The following TBCD variants were observed in gnomAD, a reference collection of about 807,000 sequenced individuals.
TBCD encodes the protein tubulin-specific chaperone D.
In TBCD, 105 loss-of-function variants were observed where a neutral mutation model predicts 169.3. The ratio of observed to expected loss-of-function variants is 0.62; its 90% CI spans 0.53 to 0.73. The LOEUF (loss-of-function observed/expected upper bound fraction) is 0.73, where lower values mean the gene tolerates loss of function less well. Ranked by LOEUF, TBCD falls within the 30% of genes least tolerant of loss-of-function variation. The pLI, the probability that TBCD is intolerant of heterozygous loss-of-function variation, is 0.00. For synonymous variants in TBCD, 700 were observed against 643.9 expected (o/e 1.09, Z -1.32); for missense variants, 1,444 against 1,600.1 (o/e 0.90, Z 1.66).
intron 23 of TBCD, among the ~76,000 whole-genome samples, chr17:82,919,791 T>G (rs2061304426): frequency 6.6e-6 from 1 of 151,798 alleles, no homozygotes; most frequent in Non-Finnish European, 1.5e-5. Flanking sequence ...CGATGGGAAG[T>G]GTGTGTGTGG....
rs2062657245 is a variant in TBCD at position 82,936,630 on chromosome 17, C to CT, written c.3192-640dup. 3.3e-5 allele frequency among the ~76,000 whole-genome samples: 5 copies of CT among 152,322 alleles called. No homozygotes were observed. The South Asian group carries it at 1.0e-3, about 32-fold the overall frequency. The stretch of plus-strand genomic sequence containing the variant: ...CACCTGAGGAGAGGGTAGCAGCAGC[C>CT]TGGGGTCTCCTTGACTCACGGTCAG... On this transcript the variant is annotated intron_variant, in intron 34 of 38. Coordinates refer to ENST00000355528, the MANE Select transcript of TBCD (RefSeq NM_005993.5).
At chr17:82,877,268 T>C (rs997420082) in intron 14 of TBCD, among the ~76,000 whole-genome samples, 1 of 152,260 alleles carries the variant, frequency 6.6e-6, no homozygotes. Context: ...GTTCATATGG[T>C]AAATATGACA....
rs369421772 is a variant in TBCD, at chr17:82,757,361, CT to C, written c.235+1147del. On this transcript the variant is annotated intron_variant, in intron 2 of 38. Transcript: ENST00000355528. ...TTTGGCTGGGGGTGGTGGCTCATGC[CT>C]GTAATCCCAGCACTTTGGGAGGTGG... Among the ~76,000 whole-genome samples, 505 of 152,256 alleles carry C rather than the reference CT, an allele frequency of 3.3e-3. 1 individual carries two copies. The highest frequency in any genetic ancestry group is 0.01 in the African/African-American group (421 of 41,538).
rs557813548 is a variant in TBCD, at chr17:82,931,503, G to A, written c.3113+860G>A. On this transcript the variant is annotated intron_variant, in intron 33 of 38. Coordinates refer to ENST00000355528, the MANE Select transcript of TBCD (RefSeq NM_005993.5). ...TGCCGGTCGCTCATTCCTCCGTGCC[G>A]GTCGCTCATTCCGCCTTGCCGTTCG... Among the ~76,000 whole-genome samples, 9 of 152,298 alleles carry A rather than the reference G, an allele frequency of 5.9e-5. No individual in the cohort carries two copies. In the East Asian group the frequency reaches 1.4e-3, roughly 23 times the overall value.
rs1204100884 is a variant in TBCD at position 82,789,137 on chromosome 17, A to G, written c.771+7416A>G. 6.6e-6 allele frequency among the ~76,000 whole-genome samples: 1 copy of G among 152,168 alleles called. No homozygotes were observed. The highest frequency in any genetic ancestry group is 2.4e-5 in the African/African-American group (1 of 41,436). On this transcript the variant is annotated intron_variant, in intron 7 of 38. Transcript: ENST00000355528. The surrounding 1 kb of genome is among the most constrained non-coding windows in gnomAD (Gnocchi z 4.8). ...TGAATGTGGGTACTTTCCAGAGATC[A>G]TGCTCCTGTAGCATTTGGGTGAAAC...
chr17:82,766,144 TCA>T, intron 3 of TBCD, 121 bp from the exon 4 acceptor site: 1 of 761,206 alleles, frequency 1.3e-6, no homozygotes. Context: ...CACTGTAATG[TCA>T]CAGAATTCTC....
At chr17:82,882,261 C>T (rs1042721771) in intron 14 of TBCD, among the ~76,000 whole-genome samples, 1 of 152,218 alleles carries the variant, frequency 6.6e-6, no homozygotes, top group Non-Finnish European at 1.5e-5. Context: ...GGGACCTTCC[C>T]ACCTGTTTCT....
chr17:82,758,384 G>GAAAAAAAAAAAAAAAAAAAAAAAAA lies in TBCD; in HGVS notation c.235+2188_235+2189insAAAAAAAAAAAAAAAAAAAAAAAAA, dbSNP rs71168146. Reference sequence around the variant, plus strand: ...GGGCAACAAGAACGAAAACGTCTCGGAAAAAAAAAAAAAAAAAAATAAATA... The same window carrying GAAAAAAAAAAAAAAAAAAAAAAAAA: ...GGGCAACAAGAACGAAAACGTCTCGGAAAAAAAAAAAAAAAAAAAAAAAAAAAAAAAAAAAAAAAAAAAATAAATA... On this transcript the variant is annotated intron_variant, in intron 2 of 38. Transcript: ENST00000355528. Among the ~76,000 whole-genome samples, 8 of 24,948 alleles carry GAAAAAAAAAAAAAAAAAAAAAAAAA rather than the reference G, an allele frequency of 3.2e-4. 1 individual carries two copies. Among genetic ancestry groups the GAAAAAAAAAAAAAAAAAAAAAAAAA allele is most frequent in the East Asian group, 6.5e-3 (2 of 306 alleles). 16.4% of individuals were successfully genotyped at this position (24,948 alleles called of 152,430 possible). A position where few individuals can be genotyped will look rare whatever the true frequency, so the allele number is the denominator to read the frequency against.
At chr17:82,792,357 G>GCGCACAGA (rs1555684059) in intron 7 of TBCD, among the ~76,000 whole-genome samples, 2 of 145,666 alleles carry the variant, frequency 1.4e-5, no homozygotes, top group African/African-American at 5.0e-5. Context: ...ATACATGTGT[G>GCGCACAGA]CACACACACA....
At chr17:82,779,715 G>A (rs1047673558) in intron 6 of TBCD, among the ~76,000 whole-genome samples, 1 of 152,248 alleles carries the variant, frequency 6.6e-6, no homozygotes, top group East Asian at 1.9e-4. Flanking sequence ...TGGATGTGCT[G>A]GAACAAGGGC....
chr17:82,922,158 C>A lies in TBCD; in HGVS notation c.2178+581C>A, dbSNP rs988620140. 5.9e-5 allele frequency among the ~76,000 whole-genome samples: 9 copies of A among 152,248 alleles called. No individual in the cohort carries two copies. Among genetic ancestry groups the A allele is most frequent in the African/African-American group, 1.9e-4 (8 of 41,546 alleles). ...GGTGGATCACTTGAGGTCAGGAGTTCGAGGCCAGCCTGGCCAACATGGTGA... is the reference window on the plus strand; with the variant it reads ...GGTGGATCACTTGAGGTCAGGAGTTAGAGGCCAGCCTGGCCAACATGGTGA... On this transcript the variant is annotated intron_variant, in intron 25 of 38. Transcript: ENST00000355528. This position sits in a 1 kb window ranked among gnomAD's most constrained non-coding sequence, Gnocchi z 4.1.
Position 82,920,533 on chromosome 17 carries a change from A to G in TBCD, c.2039-23A>G, listed in dbSNP as rs1417680718. On this transcript the variant is annotated intron_variant, in intron 23 of 38. Coordinates refer to ENST00000355528, the MANE Select transcript of TBCD (RefSeq NM_005993.5). The surrounding 1 kb of genome is among the most constrained non-coding windows in gnomAD (Gnocchi z 4.1). ...CTTTTAGAAAAGTAACATTGCGTCT[A>G]TCCTTTTTTTTTTTTTTTCCAGTGT... 1 of 1,502,442 alleles carries G rather than the reference A, an allele frequency of 6.7e-7. No homozygotes were observed. The highest frequency in any genetic ancestry group is 2.5e-5 in the East Asian group (1 of 40,604). The allele number at this position is 1,502,442 out of a possible 1,614,324, so 93.1% of individuals were successfully genotyped here.
Position 82,893,545 on chromosome 17 carries a change from A to T in TBCD, c.1564-2A>T, listed in dbSNP as rs1238040547. 4 of 1,603,968 alleles carry T rather than the reference A, an allele frequency of 2.5e-6. No individual in the cohort carries two copies. The highest frequency in any genetic ancestry group is 3.4e-6 in the Non-Finnish European group (4 of 1,175,500). On this transcript the variant is annotated splice_acceptor_variant, in intron 16 of 38. Coordinates refer to ENST00000355528, the MANE Select transcript of TBCD (RefSeq NM_005993.5). LOFTEE classifies it high-confidence loss of function. ...TTTCCCCCATTTCCACTTTCTTATT[A>T]GGGCACTTTCCCTCATGGTATTGAT...
rs541342258 is a variant in TBCD, at chr17:82,797,637, G to A, written c.772-120G>A. The stretch of plus-strand genomic sequence containing the variant: ...CAGAAACTGTTTTCTTTATTATTAG[G>A]TGGTGAGTGTTTAGAATAAAAATTC... On this transcript the variant is annotated intron_variant, in intron 7 of 38. Coordinates refer to ENST00000355528, the MANE Select transcript of TBCD (RefSeq NM_005993.5). 17 of 717,736 alleles carry A rather than the reference G, an allele frequency of 2.4e-5. No individual in the cohort carries two copies. The African/African-American group carries it at 2.7e-4, about 11-fold the overall frequency. The allele number at this position is 717,736 out of a possible 1,614,324, so 44.5% of individuals were successfully genotyped here.
chr17:82,786,716 C>T (rs1246920780), intron 7 of TBCD, among the ~76,000 whole-genome samples: 1 of 151,976 alleles, frequency 6.6e-6, no homozygotes, highest in Non-Finnish European at 1.5e-5. Flanking sequence ...GAGGGCTCCA[C>T]GGTGTCCCCT....
chr17:82,823,021 A>T lies in TBCD; in HGVS notation c.1318+8087A>T, dbSNP rs192666909. On this transcript the variant is annotated intron_variant, in intron 13 of 38. Transcript: ENST00000355528. The stretch of plus-strand genomic sequence containing the variant: ...CTTCAGAAGGGATATTTTATAGGAG[A>T]GGAGTCCGATTCTGAGAGGGGGAAG... Among the ~76,000 whole-genome samples the T allele has an allele frequency of 1.4e-3, 218 of 152,308 alleles. 10 individuals are homozygous for T. In the East Asian group the frequency reaches 0.035, roughly 25 times the overall value.
chr17:82,857,758 T>TTTTTAA (rs2056433617), intron 13 of TBCD, among the ~76,000 whole-genome samples: 2 of 150,910 alleles, frequency 1.3e-5, no homozygotes, highest in African/African-American at 4.9e-5. Flanking sequence ...TTTTTTTTTT[T>TTTTTAA]TTTAATTTAA....
intron 7 of TBCD, among the ~76,000 whole-genome samples, 180 bp downstream of exon 7, chr17:82,781,901 AGGGCT>A: frequency 6.6e-6 from 1 of 152,296 alleles, no homozygotes; most frequent in South Asian, 2.1e-4. Context: ...TGCCTCAGGC[AGGGCT>A]GGTTTCTGCG....
intron 7 of TBCD, among the ~76,000 whole-genome samples, chr17:82,784,072 C>G (rs1984719): frequency 6.6e-6 from 1 of 151,588 alleles, no homozygotes; most frequent in South Asian, 2.1e-4. Flanking sequence ...TTGAGTGAGC[C>G]GAGATCATGC....
Sources: gnomAD v4.1 joint callset for allele counts (sites outside exome capture counted in the v4.1 genomes callset) on GRCh38, gnomAD v4.1.1 for gene constraint, Gnocchi (gnomAD v3.1) non-coding constraint, MANE v1.5 for transcripts, NCBI Gene and HGNC (gene_info 2026-07-23, HGNC 2026-07-21) for gene names.